Variants in RANBP2 observed in about 807,000 individuals in gnomAD.
RANBP2 encodes RAN binding protein 2.
A neutral mutation model predicts 303.6 loss-of-function variants in RANBP2; 57 were observed. The ratio of observed to expected loss-of-function variants is 0.19; its 90% confidence interval spans 0.15 to 0.23. The LOEUF is 0.23. Ranked by LOEUF, RANBP2 falls within the 10% of genes least tolerant of loss-of-function variation. The probability of loss-of-function intolerance (pLI) is 1.00; values close to 1 mark genes in which losing one functional copy is unlikely to be tolerated. For synonymous variants in RANBP2, 1,167 were observed against 1,301.5 expected (o/e 0.90, Z 2.23); for missense variants, 3,138 against 3,780.8 (o/e 0.83, Z 4.46).
At chr2:109,114,567 T>C in the RANBP2 span, among the ~76,000 whole-genome samples, 2 of 152,006 alleles carry the variant, frequency 1.3e-5, no homozygotes, top group East Asian at 3.8e-4. Flanking sequence ...ATTTTGTTGA[T>C]CCTTTCAAAA....
the RANBP2 span, chr2:108,908,000 C>G: frequency 6.2e-7 from 1 of 1,610,012 alleles, no homozygotes; most frequent in East Asian, 2.2e-5. Context: ...TGCTCATTCT[C>G]GGATGAGGCA....
At chr2:109,018,254 A>G in the RANBP2 span, among the ~76,000 whole-genome samples, 1 of 152,156 alleles carries the variant, frequency 6.6e-6, no homozygotes. Flanking sequence ...TCACTGGCAA[A>G]CAGACCCAGC....
intron 4 of RANBP2, 157 bp downstream of exon 4, chr2:108,731,631 C>A: frequency 7.2e-7 from 1 of 1,390,826 alleles, no homozygotes; most frequent in Non-Finnish European, 9.7e-7. Flanking sequence ...TTCTGAGCAT[C>A]TACTGTCTTA....
the RANBP2 span, chr2:109,347,546 C>T: frequency 1.5e-4 from 182 of 1,253,350 alleles, no homozygotes; most frequent in African/African-American, 1.8e-3. Context: ...TTTCCACTTG[C>T]GGGGCACTCT....
the RANBP2 span, among the ~76,000 whole-genome samples, chr2:108,792,892 G>A: frequency 1.3e-5 from 2 of 151,370 alleles, no homozygotes; most frequent in South Asian, 4.2e-4. Flanking sequence ...GTGAAACCCT[G>A]TCTCTACTAA....
the RANBP2 span, among the ~76,000 whole-genome samples, chr2:109,134,301 C>T: frequency 3.9e-5 from 6 of 152,090 alleles, no homozygotes; most frequent in African/African-American, 9.7e-5. Context: ...TGTCGTGGTT[C>T]GGTCTTGGAT....
the RANBP2 span, among the ~76,000 whole-genome samples, chr2:109,057,907 A>G: frequency 2.0e-5 from 3 of 152,174 alleles, no homozygotes; most frequent in Non-Finnish European, 4.4e-5. Context: ...TCTAACCAGG[A>G]GGGAGATGAT....
At chr2:108,756,582 G>T (rs1676330820) in intron 17 of RANBP2, among the ~76,000 whole-genome samples, 1 of 152,190 alleles carries the variant, frequency 6.6e-6, no homozygotes, top group Admixed American at 6.5e-5. Flanking sequence ...TGTTAATTCT[G>T]TGTAGTCATG....
intron 25 of RANBP2, among the ~76,000 whole-genome samples, chr2:108,779,932 T>G (rs965325559): frequency 3.3e-5 from 5 of 152,154 alleles, no homozygotes; most frequent in Admixed American, 3.3e-4. Context: ...TAAACATGTT[T>G]AGGCCATTGT....
At chr2:109,175,837 GT>G in the RANBP2 span, among the ~76,000 whole-genome samples, 1 of 152,186 alleles carries the variant, frequency 6.6e-6, no homozygotes, top group Non-Finnish European at 1.5e-5. Flanking sequence ...GCCAGTAATA[GT>G]TTTTTAAACA....
At chr2:109,241,176 GTACT>G in the RANBP2 span, among the ~76,000 whole-genome samples, 1 of 152,170 alleles carries the variant, frequency 6.6e-6, no homozygotes, top group South Asian at 2.1e-4. Flanking sequence ...AAATAAGTTT[GTACT>G]TACATACCTC....
the RANBP2 span, among the ~76,000 whole-genome samples, chr2:109,692,581 G>GGAGGCC: frequency 1.3e-5 from 2 of 152,170 alleles, no homozygotes; most frequent in Non-Finnish European, 2.9e-5. Context: ...TGGCTCAGCT[G>GGAGGCC]GAGGCCGAGG....
At chr2:109,597,844 G>T in the RANBP2 span, among the ~76,000 whole-genome samples, 2 of 152,144 alleles carry the variant, frequency 1.3e-5, no homozygotes, top group Non-Finnish European at 2.9e-5. Flanking sequence ...CAGGCAATGT[G>T]ACAGACACAC....
chr2:108,886,747 A>T, the RANBP2 span, among the ~76,000 whole-genome samples: 1 of 151,976 alleles, frequency 6.6e-6, no homozygotes, highest in Non-Finnish European at 1.5e-5. Context: ...TTAAAAAAAA[A>T]ATTTAACTGT....
At chr2:109,269,734 G>A in the RANBP2 span, among the ~76,000 whole-genome samples, 4 of 152,336 alleles carry the variant, frequency 2.6e-5, no homozygotes, top group East Asian at 5.8e-4. Flanking sequence ...AGGTGAGATC[G>A]TGCCACTGCA....
chr2:109,678,325 A>G, the RANBP2 span, among the ~76,000 whole-genome samples: 2 of 152,250 alleles, frequency 1.3e-5, no homozygotes, highest in Non-Finnish European at 1.5e-5. Flanking sequence ...TCAGAGGGAC[A>G]TTAGGAGGAT....
chr2:108,794,697 A>C, the RANBP2 span: 9 of 1,612,772 alleles, frequency 5.6e-6, no homozygotes, highest in Non-Finnish European at 7.6e-6. Flanking sequence ...ATGACGAATT[A>C]TTTCAGATAC....
the RANBP2 span, among the ~76,000 whole-genome samples, chr2:108,946,107 C>T: frequency 6.6e-6 from 1 of 152,336 alleles, no homozygotes; most frequent in Non-Finnish European, 1.5e-5. Context: ...TCCAAGGACA[C>T]ACCAGCCCCT....
chr2:109,054,217 C>A, the RANBP2 span, among the ~76,000 whole-genome samples: 1 of 152,128 alleles, frequency 6.6e-6, no homozygotes, highest in Non-Finnish European at 1.5e-5. Flanking sequence ...CTCCCTGGAG[C>A]CCCTGCTTTT....
Sources: allele counts gnomAD v4.1 joint callset (sites outside exome capture counted in the v4.1 genomes callset), GRCh38; gene constraint gnomAD v4.1.1; transcripts MANE v1.5; gene names NCBI Gene and HGNC (gene_info 2026-07-23, HGNC 2026-07-21).